Variants in CA8 observed in about 807,000 individuals in gnomAD.
CA8 encodes carbonic anhydrase 8 (inactive), also known as carbonic anhydrase-related protein.
CA8 carries 22 observed loss-of-function variants against 41.4 expected under a neutral mutation model. The observed-to-expected ratio is 0.53, with a 90% CI of 0.38 to 0.76. The LOEUF is 0.76. CA8 is among the 30% of genes least tolerant of loss of function. The pLI is 0.00. For synonymous variants in CA8, 121 were observed against 130.6 expected (o/e 0.93, Z 0.50); for missense variants, 270 against 352.8 (o/e 0.77, Z 1.88).
chr8:60,190,826 T>C (rs1301286075), intron 8 of CA8, among the ~76,000 whole-genome samples: 1 of 149,902 alleles, frequency 6.7e-6, no homozygotes, highest in African/African-American at 2.5e-5. Flanking sequence ...AAAGAAAAAA[T>C]AATAAAACAA....
chr8:60,216,823 G>T (rs994486399), intron 7 of CA8, among the ~76,000 whole-genome samples: 2 of 152,188 alleles, frequency 1.3e-5, no homozygotes, highest in African/African-American at 2.4e-5. Context: ...GTAGAAATGG[G>T]AATGTTGGGC....
At chr8:60,247,174 C>T (rs143927697) in intron 3 of CA8, among the ~76,000 whole-genome samples, 135 of 152,254 alleles carry the variant, frequency 8.9e-4, no homozygotes, top group African/African-American at 2.9e-3. Context: ...TGAGCCACCA[C>T]GCCCAGCCAA....
In CA8 at chr8:60,186,725, T is replaced by C. The variant is rs1236496998; in HGVS notation, c.*3296A>G. Among the ~76,000 whole-genome samples, 1 of 151,712 alleles carries C rather than the reference T, an allele frequency of 6.6e-6. No individual in the cohort carries two copies. The highest frequency in any genetic ancestry group is 2.4e-5 in the African/African-American group (1 of 41,324). Reference sequence around the variant, plus strand: ...TGAAAAGATGAAAAAAGATACATCATACAAATAGCAACTATAAGAAAGCTG... The same window carrying C: ...TGAAAAGATGAAAAAAGATACATCACACAAATAGCAACTATAAGAAAGCTG... On this transcript the variant is annotated 3_prime_UTR_variant, in exon 9 of 9. Transcript: ENST00000317995.
chr8:60,218,979 T>C (rs759336599), intron 7 of CA8, among the ~76,000 whole-genome samples: 2 of 151,456 alleles, frequency 1.3e-5, no homozygotes, highest in African/African-American at 2.4e-5. Context: ...AGCAACTAGA[T>C]AGCAAACAGA....
chr8:60,208,985 T>A, intron 7 of CA8, 66 bp from the exon 8 acceptor site: 1 of 1,480,438 alleles, frequency 6.8e-7, no homozygotes, highest in South Asian at 1.1e-5. Context: ...TGGAGTTTCA[T>A]AAATGACATG....
At chr8:60,210,481 T>C (rs1483405257) in intron 7 of CA8, among the ~76,000 whole-genome samples, 2 of 152,180 alleles carry the variant, frequency 1.3e-5, no homozygotes, top group East Asian at 3.9e-4. Context: ...TGCATTTTCC[T>C]CAGGAGAGGC....
In CA8 at chr8:60,281,298, C is replaced by T. The variant is rs1185259409; in HGVS notation, c.-151G>A. Reference sequence around the variant, plus strand: ...CGAGAGCGCCTCCGGGTGTGAACCGCAGTGTGAGTGCAAGCAGGCGTGCGT... The same window carrying T: ...CGAGAGCGCCTCCGGGTGTGAACCGTAGTGTGAGTGCAAGCAGGCGTGCGT... On this transcript the variant is annotated 5_prime_UTR_variant, in exon 1 of 9. Coordinates refer to ENST00000317995, the MANE Select transcript of CA8 (RefSeq NM_004056.6). The T allele has an allele frequency of 3.1e-6, 2 of 641,644 alleles. No homozygotes were observed. Among genetic ancestry groups the T allele is most frequent in the African/African-American group, 3.7e-5 (2 of 54,030 alleles). 39.7% of individuals were successfully genotyped at this position (641,644 alleles called of 1,614,324 possible). A position where few individuals can be genotyped will look rare whatever the true frequency, so the allele number is the denominator to read the frequency against.
At chr8:60,268,625 G>C (rs1383416763) in intron 2 of CA8, among the ~76,000 whole-genome samples, 1 of 152,144 alleles carries the variant, frequency 6.6e-6, no homozygotes, top group Non-Finnish European at 1.5e-5. Flanking sequence ...AAAATCCAGG[G>C]AAGTTTACTA....
chr8:60,213,167 T>TCA (rs1314880374), intron 7 of CA8, among the ~76,000 whole-genome samples: 1 of 152,174 alleles, frequency 6.6e-6, no homozygotes, highest in Non-Finnish European at 1.5e-5. Flanking sequence ...AAACCAACTC[T>TCA]CACTCTGTCA....
intron 2 of CA8, among the ~76,000 whole-genome samples, chr8:60,277,154 C>T (rs1322609940): frequency 7.0e-6 from 1 of 142,872 alleles, no homozygotes; most frequent in East Asian, 2.1e-4. Flanking sequence ...AAATTGGCCT[C>T]GTCTTCAATA....
At chr8:60,237,319 C>T (rs1374770445) in intron 3 of CA8, among the ~76,000 whole-genome samples, 1 of 152,186 alleles carries the variant, frequency 6.6e-6, no homozygotes, top group Non-Finnish European at 1.5e-5. Flanking sequence ...ATATTCTTAT[C>T]ACGTTTTACT....
At chr8:60,218,704 G>A (rs1353780213) in intron 7 of CA8, among the ~76,000 whole-genome samples, 2 of 152,118 alleles carry the variant, frequency 1.3e-5, no homozygotes, top group Admixed American at 6.5e-5. Context: ...CTAAGACTTT[G>A]GCTATCTGCA....
chr8:60,196,946 A>G (rs983638419), intron 8 of CA8, among the ~76,000 whole-genome samples: 1 of 152,184 alleles, frequency 6.6e-6, no homozygotes, highest in African/African-American at 2.4e-5. Flanking sequence ...AATAGAACCA[A>G]GTATTTACAG....
intron 3 of CA8, among the ~76,000 whole-genome samples, chr8:60,261,831 C>T (rs1406090599): frequency 1.3e-5 from 2 of 152,172 alleles, no homozygotes; most frequent in Non-Finnish European, 2.9e-5. Context: ...CCTGCCTCGG[C>T]CTCCCAAGTA....
chr8:60,212,349 C>A (rs946991105), intron 7 of CA8, among the ~76,000 whole-genome samples: 1 of 152,204 alleles, frequency 6.6e-6, no homozygotes, highest in Non-Finnish European at 1.5e-5. Flanking sequence ...TTTTCACTTG[C>A]ATTTCATGTG....
intron 7 of CA8, among the ~76,000 whole-genome samples, chr8:60,217,336 T>G (rs1217378401): frequency 6.6e-6 from 1 of 152,240 alleles, no homozygotes; most frequent in East Asian, 1.9e-4. Flanking sequence ...CAGTTATCAC[T>G]TTTTAGTCCT....
chr8:60,276,945 C>T (rs929054074), intron 2 of CA8, among the ~76,000 whole-genome samples: 1 of 151,940 alleles, frequency 6.6e-6, no homozygotes, highest in Non-Finnish European at 1.5e-5. Context: ...ATGGTGAAAC[C>T]TCGTCTCTAC....
rs927304530 is a variant in CA8, at chr8:60,186,198, T to C, written c.*3823A>G. On this transcript the variant is annotated 3_prime_UTR_variant, in exon 9 of 9. Transcript: ENST00000317995. ...TATACATACAATTACAGGAAAAATATAACAATGTATTGTTGGGCTTACAGC... is the reference window on the plus strand; with the variant it reads ...TATACATACAATTACAGGAAAAATACAACAATGTATTGTTGGGCTTACAGC... 6.6e-6 allele frequency among the ~76,000 whole-genome samples: 1 copy of C among 151,980 alleles called. No homozygotes were observed. The highest frequency in any genetic ancestry group is 6.6e-5 in the Admixed American group (1 of 15,262).
chr8:60,258,069 C>T (rs59827748), intron 3 of CA8, among the ~76,000 whole-genome samples: 17,171 of 152,236 alleles, frequency 0.11, 1,675 homozygotes, highest in African/African-American at 0.27. Context: ...TGCTACATCT[C>T]GCCCAGAGCA....
Sources: allele counts gnomAD v4.1 joint callset (sites outside exome capture counted in the v4.1 genomes callset), GRCh38; gene constraint gnomAD v4.1.1; transcripts MANE v1.5; gene names NCBI Gene and HGNC (gene_info 2026-07-23, HGNC 2026-07-21).